Variants in LRRC72 observed in about 807,000 individuals in gnomAD.
LRRC72 encodes the protein leucine-rich repeat-containing protein 72.
LRRC72 carries 41 observed loss-of-function variants against 35.8 expected under a neutral mutation model. That is an observed-to-expected ratio of 1.15 (90% confidence interval 0.89 to 1.49). LRRC72 has a LOEUF of 1.49. Among genes scored for constraint, LRRC72 ranks in the 40% most tolerant of loss-of-function variants. The probability of loss-of-function intolerance (pLI) is 0.00; values close to 1 mark genes in which losing one functional copy is unlikely to be tolerated. For missense variants in LRRC72, 389 were observed against 330.7 expected (o/e 1.18, Z -1.37); for synonymous variants, 118 against 119.2 (o/e 0.99, Z 0.07).
At chr7:16,547,326 G>T (rs776286248) in intron 3 of LRRC72, among the ~76,000 whole-genome samples, 10 of 152,142 alleles carry the variant, frequency 6.6e-5, no homozygotes, top group African/African-American at 9.7e-5. Context: ...GCAGAGAGGA[G>T]TCCCAAGGCA....
rs961219727 is a variant in LRRC72, at chr7:16,546,722, A to G, written c.234+9026A>G. Among the ~76,000 whole-genome samples, 32 of 152,220 alleles carry G rather than the reference A, an allele frequency of 2.1e-4. No homozygotes were observed. The South Asian group carries it at 4.1e-3, about 20-fold the overall frequency. ...TTATTCTGGTTTAGCCACCCCAGGC[A>G]CTGGGGTGTGCACTGGACCTGTGCA... is the stretch of plus-strand genomic sequence containing the variant. On this transcript the variant is annotated intron_variant, in intron 3 of 8. Transcript: ENST00000401542.
chr7:16,553,750 T>C (rs1325940505), intron 3 of LRRC72, among the ~76,000 whole-genome samples: 1 of 152,136 alleles, frequency 6.6e-6, no homozygotes, highest in Non-Finnish European at 1.5e-5. Context: ...GTGGTTGTTG[T>C]AGAGATTAAG....
intron 2 of LRRC72, among the ~76,000 whole-genome samples, chr7:16,535,466 C>T (rs775934742): frequency 7.9e-5 from 12 of 152,098 alleles, no homozygotes; most frequent in Admixed American, 1.3e-4. Context: ...AGAATAAGAA[C>T]ATTAGGAAAA....
chr7:16,580,338 T>C (rs2128339637), intron 8 of LRRC72, among the ~76,000 whole-genome samples: 1 of 152,306 alleles, frequency 6.6e-6, no homozygotes, highest in East Asian at 1.9e-4. Context: ...AAAAGATAAT[T>C]TGATGCTTAA....
intron 6 of LRRC72, 46 bp downstream of exon 6, chr7:16,566,448 T>C (rs1782846711): frequency 1.5e-6 from 2 of 1,320,600 alleles, no homozygotes; most frequent in Admixed American, 4.8e-5. Flanking sequence ...GAAGTAGTCT[T>C]ATAGCTCAGC....
At position 16,531,583 on chromosome 7, in the gene LRRC72, A is replaced by C. The variant is rs182588929; in HGVS notation, c.91-912A>C. ...AACCTCACCATTCATAACAAATCCC[A>C]GCTAAAATTCGGTGATTGTTTTGAC... On this transcript the variant is annotated intron_variant, in intron 1 of 8. Coordinates refer to ENST00000401542, the MANE Select transcript of LRRC72 (RefSeq NM_001195280.2). Among the ~76,000 whole-genome samples the C allele has an allele frequency of 5.7e-3, 861 of 152,318 alleles. 9 individuals are homozygous for C. The highest frequency in any genetic ancestry group is 0.02 in the Middle Eastern group (6 of 294).
In LRRC72 at chr7:16,541,781, G is replaced by A. The variant is rs565861516; in HGVS notation, c.234+4085G>A. On this transcript the variant is annotated intron_variant, in intron 3 of 8. Coordinates refer to ENST00000401542, the MANE Select transcript of LRRC72 (RefSeq NM_001195280.2). The stretch of plus-strand genomic sequence containing the variant: ...ACAAAAATTAGCTGGTTGTGGTGGC[G>A]GGTACCTGTAATCCCAGCTACTCGC... Among the ~76,000 whole-genome samples the A allele has an allele frequency of 6.6e-5, 10 of 152,248 alleles. No individual in the cohort carries two copies. The South Asian group carries it at 8.3e-4, about 13-fold the overall frequency.
intron 7 of LRRC72, among the ~76,000 whole-genome samples, chr7:16,572,987 C>G (rs963332825): frequency 3.5e-4 from 53 of 152,274 alleles, no homozygotes; most frequent in African/African-American, 1.3e-3. Flanking sequence ...GCAAAAATCA[C>G]AAGCATTCCT....
chr7:16,560,026 C>T (rs1006556657), intron 5 of LRRC72, among the ~76,000 whole-genome samples: 1 of 151,958 alleles, frequency 6.6e-6, no homozygotes, highest in African/African-American at 2.4e-5. Flanking sequence ...AATAATACAC[C>T]ACTCCTACTC....
intron 3 of LRRC72, among the ~76,000 whole-genome samples, chr7:16,550,200 G>C (rs1208854357): frequency 6.6e-6 from 1 of 152,140 alleles, no homozygotes; most frequent in East Asian, 1.9e-4. Context: ...CTGGGCAACA[G>C]AGTGAGACCC....
At chr7:16,581,186 C>G (rs1220532097) in intron 8 of LRRC72, 138 bp from the exon 9 acceptor site, 2 of 607,734 alleles carry the variant, frequency 3.3e-6, no homozygotes, top group Non-Finnish European at 5.0e-6. Context: ...GTGGAGCCCG[C>G]AAATTATTTG....
At position 16,526,952 on chromosome 7, in the gene LRRC72, G is replaced by T; in HGVS notation, c.-1G>T. On this transcript the variant is annotated 5_prime_UTR_variant, in exon 1 of 9. Transcript: ENST00000401542. ...GCTGCTTCGGCCGCCCATGTGTCCT[G>T]ATGTCCTGGGACCCGAACCCCGTGC... is the stretch of plus-strand genomic sequence containing the variant. 6.5e-7 allele frequency: 1 copy of T among 1,539,494 alleles called. No homozygotes were observed. The highest frequency in any genetic ancestry group is 2.4e-5 in the East Asian group (1 of 40,902).
intron 7 of LRRC72, among the ~76,000 whole-genome samples, chr7:16,569,760 G>T (rs1438262333): frequency 6.6e-6 from 1 of 152,120 alleles, no homozygotes; most frequent in Non-Finnish European, 1.5e-5. Context: ...GCCAGGCGTG[G>T]TGGCTCAAGC....
intron 7 of LRRC72, among the ~76,000 whole-genome samples, chr7:16,574,049 A>G (rs1048802250): frequency 6.6e-6 from 1 of 152,254 alleles, no homozygotes; most frequent in Non-Finnish European, 1.5e-5. Context: ...ATACGAAAAA[A>G]AGCTCATCAT....
At chr7:16,549,015 G>C (rs1782501417) in intron 3 of LRRC72, among the ~76,000 whole-genome samples, 1 of 152,134 alleles carries the variant, frequency 6.6e-6, no homozygotes, top group Non-Finnish European at 1.5e-5. Flanking sequence ...ACGGAGTCTG[G>C]CACATAGTAG....
Position 16,537,690 on chromosome 7 carries a change from T to A in LRRC72, c.228T>A (p.His76Gln). 1 of 1,472,246 alleles carries A rather than the reference T, an allele frequency of 6.8e-7. No homozygotes were observed. The highest frequency in any genetic ancestry group is 9.2e-7 in the Non-Finnish European group (1 of 1,087,118). The allele number at this position is 1,472,246 out of a possible 1,614,324, so 91.2% of individuals were successfully genotyped here. A position where few individuals can be genotyped will look rare whatever the true frequency, so the allele number is the denominator to read the frequency against. ...AATTAAAATACTTATGGCTTCATCA[T>A]AACAAGGTAGTGTTTTATTTTATCT... ...FKKLKYLWLH[H>Q]NKLHGITFLT... Residue 76 changes from histidine to glutamine, a missense_variant, in exon 3 of 9, where the codon CAT (histidine) becomes CAA (glutamine). Coordinates refer to ENST00000401542, the MANE Select transcript of LRRC72 (RefSeq NM_001195280.2).
chr7:16,576,204 T>C (rs1381914985), intron 7 of LRRC72, among the ~76,000 whole-genome samples: 1 of 152,214 alleles, frequency 6.6e-6, no homozygotes, highest in Non-Finnish European at 1.5e-5. Flanking sequence ...TTAGCATATC[T>C]TAATTAAGCA....
intron 7 of LRRC72, among the ~76,000 whole-genome samples, chr7:16,574,524 C>G (rs1783003970): frequency 6.6e-6 from 1 of 152,142 alleles, no homozygotes; most frequent in African/African-American, 2.4e-5. Context: ...TGGAAACCAT[C>G]ATTCTGAGTA....
rs917742875 is a variant in LRRC72, at chr7:16,581,436, C to T, written c.811C>T (p.Leu271Phe). The change falls in exon 9 of 9, where the codon CTT becomes TTT. Residue 271 changes from leucine to phenylalanine, a missense_variant. By Grantham distance (22) the Leu-to-Phe change is conservative. Coordinates refer to ENST00000401542, the MANE Select transcript of LRRC72 (RefSeq NM_001195280.2). ...AGTTCCAACACGAGAGGAAAGGTAC[C>T]TTGAAGAGGAAGGCACAGAAACAGC... ...DTVPTREERYLEEEGTETAQM... is the reference protein window; with the variant it reads ...DTVPTREERYFEEEGTETAQM... 6 of 1,550,134 alleles carry T rather than the reference C, an allele frequency of 3.9e-6. No individual in the cohort carries two copies. The highest frequency in any genetic ancestry group is 4.4e-6 in the Non-Finnish European group (5 of 1,146,782).
Sources: gnomAD v4.1 joint callset for allele counts (sites outside exome capture counted in the v4.1 genomes callset) on GRCh38, gnomAD v4.1.1 for gene constraint, MANE v1.5 for transcripts, NCBI Gene and HGNC (gene_info 2026-07-23, HGNC 2026-07-21) for gene names.